FGF13: variants seen among roughly 807,000 people sequenced by gnomAD.
The protein encoded by FGF13 is fibroblast growth factor homologous factor 2.
In FGF13, 2 loss-of-function variants were observed where a neutral mutation model predicts 19.5. The observed-to-expected ratio is 0.10, with a 90% CI of 0.04 to 0.32. The LOEUF (loss-of-function observed/expected upper bound fraction) is 0.32. Among genes scored for constraint, FGF13 ranks in the 10% least tolerant of loss-of-function variants. The probability of loss-of-function intolerance (pLI) is 1.00; values close to 1 mark genes in which losing one functional copy is unlikely to be tolerated. For synonymous variants in FGF13, 72 were observed against 76.9 expected (o/e 0.94, Z 0.33); for missense variants, 113 against 192.7 (o/e 0.59, Z 2.45).
intron 3 of FGF13, among the ~76,000 whole-genome samples, chrX:138,771,512 AC>A (rs752701822): frequency 1.8e-5 from 2 of 111,723 alleles, no homozygotes; most frequent in Non-Finnish European, 3.8e-5. Context: ...GTCAAATTTA[AC>A]TGGCTGGCCT....
intron 1 of FGF13, among the ~76,000 whole-genome samples, chrX:138,733,379 A>G (rs1362281482): frequency 8.9e-6 from 1 of 112,056 alleles, no homozygotes; most frequent in East Asian, 2.8e-4. Flanking sequence ...AATTGCTATT[A>G]GGAACATAAA....
intron 3 of FGF13, among the ~76,000 whole-genome samples, chrX:138,790,058 A>C (rs1324778265): frequency 1.0e-5 from 1 of 97,485 alleles, no homozygotes; most frequent in Non-Finnish European, 2.1e-5. Context: ...AAAAAAAAAA[A>C]AAAAAAAAAA....
At chrX:138,721,402 G>A (rs2090146635) in intron 1 of FGF13, among the ~76,000 whole-genome samples, 1 of 111,342 alleles carries the variant, frequency 9.0e-6, no homozygotes, top group South Asian at 3.7e-4. Context: ...AAATTTCCCT[G>A]CTCACTGTAT....
intron 1 of FGF13, among the ~76,000 whole-genome samples, chrX:139,008,563 G>A (rs545774870): frequency 2.7e-5 from 3 of 112,079 alleles, no homozygotes; most frequent in South Asian, 7.5e-4. Context: ...CCCGGAGCCT[G>A]GTAGCTCCAC....
intron 1 of FGF13, 53 bp from the exon 2 acceptor site, chrX:138,708,981 GA>G (rs2090017702): frequency 1.2e-5 from 8 of 652,536 alleles, no homozygotes; most frequent in Non-Finnish European, 1.9e-5. Context: ...CTATGTAGTT[GA>G]AAAGACTAGG....
intron 1 of FGF13, among the ~76,000 whole-genome samples, chrX:139,022,119 G>T (rs962358568): frequency 2.7e-5 from 3 of 111,444 alleles, no homozygotes; most frequent in Admixed American, 9.6e-5. Context: ...TGGGAGATTT[G>T]CCAGGTAAGG....
At chrX:138,925,964 G>A (rs1334954159) in intron 1 of FGF13, among the ~76,000 whole-genome samples, 3 of 111,847 alleles carry the variant, frequency 2.7e-5, no homozygotes, top group Non-Finnish European at 5.6e-5. Context: ...TCGATTTTTG[G>A]ATGAGGGCCT....
intron 3 of FGF13, among the ~76,000 whole-genome samples, chrX:138,783,462 T>A (rs1195675295): frequency 6.1e-5 from 6 of 99,155 alleles, no homozygotes; most frequent in Non-Finnish European, 1.2e-4. Flanking sequence ...TCAAACAAAT[T>A]TACAAGAAAA....
intron 3 of FGF13, among the ~76,000 whole-genome samples, chrX:138,648,047 A>T (rs746260282): frequency 1.8e-5 from 2 of 112,195 alleles, no homozygotes; most frequent in South Asian, 7.4e-4. Context: ...GTTACCAGTG[A>T]TCTTGATCAT....
intron 1 of FGF13, among the ~76,000 whole-genome samples, chrX:138,911,429 A>G (rs1315776910): frequency 9.1e-6 from 1 of 109,315 alleles, no homozygotes; most frequent in Admixed American, 9.8e-5. Context: ...ACATGGACAC[A>G]CAGAGGGGGG....
At chrX:138,736,935 C>T (rs757716789) in intron 1 of FGF13, among the ~76,000 whole-genome samples, 1 of 110,593 alleles carries the variant, frequency 9.0e-6, no homozygotes, top group South Asian at 3.9e-4. Flanking sequence ...GAGGGGAACA[C>T]AACAAGGACA....
chrX:138,953,632 G>A (rs996815933), intron 1 of FGF13, among the ~76,000 whole-genome samples: 2 of 111,034 alleles, frequency 1.8e-5, no homozygotes, highest in Admixed American at 9.6e-5. Flanking sequence ...AAACAACCAC[G>A]GCAACTTTAT....
chrX:138,779,010 T>A (rs2090615392), intron 3 of FGF13, among the ~76,000 whole-genome samples: 1 of 112,407 alleles, frequency 8.9e-6, no homozygotes, highest in Non-Finnish European at 1.9e-5. Context: ...CCCTGACTCC[T>A]GACCCCAGAG....
At chrX:138,723,278 C>T (rs2090159948) in intron 1 of FGF13, among the ~76,000 whole-genome samples, 1 of 111,848 alleles carries the variant, frequency 8.9e-6, no homozygotes, top group Admixed American at 9.5e-5. Context: ...GGTAAAACTA[C>T]CACTAAATTT....
intron 3 of FGF13, among the ~76,000 whole-genome samples, chrX:138,664,060 C>T (rs2089515960): frequency 8.9e-6 from 1 of 111,907 alleles, no homozygotes; most frequent in African/African-American, 3.2e-5. Context: ...TTCTGACAAA[C>T]AGGCAGCTGC....
intron 1 of FGF13, among the ~76,000 whole-genome samples, chrX:138,961,837 T>G (rs1291096599): frequency 2.7e-5 from 3 of 111,777 alleles, no homozygotes; most frequent in Non-Finnish European, 5.6e-5. Flanking sequence ...TATACAAAAA[T>G]TAATTCAAGA....
At position 139,082,415 on chromosome X, in the gene FGF13, A is replaced by G. The variant is rs181809417; in HGVS notation, c.-113+121001T>C. Among the ~76,000 whole-genome samples, 20 of 111,907 alleles carry G rather than the reference A, an allele frequency of 1.8e-4. No homozygotes were observed. The Admixed American group carries it at 1.9e-3, about 11-fold the overall frequency. ...TGTCCACGTAGAACATCAGAATGTG[A>G]TCTTATTTAGAAAATAGAGGGTCTT... On this transcript the variant is annotated intron_variant, in intron 1 of 2. Coordinates refer to the FGF13 transcript ENST00000421460.
At chrX:138,895,691 G>T (rs1268777162) in intron 1 of FGF13, among the ~76,000 whole-genome samples, 3 of 112,008 alleles carry the variant, frequency 2.7e-5, no homozygotes, top group African/African-American at 9.7e-5. Context: ...ATGTTGAAAA[G>T]ATATCTTCAG....
chrX:138,705,950 G>A (rs2089988118), intron 2 of FGF13, among the ~76,000 whole-genome samples: 1 of 112,081 alleles, frequency 8.9e-6, no homozygotes, highest in Non-Finnish European at 1.9e-5. Context: ...AAACATAAAT[G>A]TGCCTGTGTT....
Sources: allele counts gnomAD v4.1 joint callset (sites outside exome capture counted in the v4.1 genomes callset), GRCh38; gene constraint gnomAD v4.1.1; transcripts MANE v1.5; gene names NCBI Gene and HGNC (gene_info 2026-07-23, HGNC 2026-07-21).